The following CEP295 variants were observed in gnomAD, a reference collection of about 807,000 sequenced individuals.
CEP295 encodes centrosomal protein of 295 kDa.
Under a neutral mutation model 291.6 loss-of-function variants are expected in CEP295, and 190 were observed. That is an observed-to-expected ratio of 0.65 (90% CI 0.58 to 0.73). CEP295 has a LOEUF of 0.73. CEP295 is among the 30% of genes least tolerant of loss of function. The pLI, the probability that CEP295 is intolerant of heterozygous loss-of-function variation, is 0.00. For missense variants in CEP295, 2,863 were observed against 2,949.4 expected (o/e 0.97, Z 0.68); for synonymous variants, 993 against 1,038.8 (o/e 0.96, Z 0.85).
chr11:93,719,654 C>T (rs1953549730), intron 18 of CEP295: 1 of 152,086 alleles, frequency 6.6e-6, no homozygotes, highest in African/African-American at 2.4e-5. Flanking sequence ...CAGTCAGTTA[C>T]AGATCGGACT....
rs565227032 is a variant in CEP295, at chr11:93,699,112, A to G, written c.4200A>G (p.Val1400=). The change falls in exon 15 of 30, where the codon GTA becomes GTG. Residue 1400 remains valine, a synonymous_variant. Coordinates refer to ENST00000325212, the MANE Select transcript of CEP295 (RefSeq NM_033395.2). The stretch of plus-strand genomic sequence containing the variant: ...TTGACACCTCTTCCTTACCCCTAGT[A>G]CCACAGCATTCATTCGCCTCATTAC... ...EQVDTSSLPL[V]PQHSFASLPL... 5.4e-5 allele frequency: 83 copies of G among 1,549,438 alleles called. 1 individual carries two copies. In the South Asian group the frequency reaches 8.9e-4, roughly 17 times the overall value.
intron 15 of CEP295, among the ~76,000 whole-genome samples, chr11:93,700,882 C>T (rs1952114422): frequency 6.6e-6 from 1 of 152,062 alleles, no homozygotes; most frequent in Non-Finnish European, 1.5e-5. Flanking sequence ...AAAATCAATA[C>T]CATCTTTTTT....
At position 93,706,745 on chromosome 11, in the gene CEP295, G is replaced by A; in HGVS notation, c.5597G>A (p.Gly1866Asp). Residue 1866 changes from glycine (G) to aspartate (D), a missense_variant and splice_region_variant, in exon 18 of 30, where the codon GGT (glycine) becomes GAT (aspartate). Gly to Asp is a moderately conservative substitution (Grantham distance 94). Coordinates refer to ENST00000325212, the MANE Select transcript of CEP295 (RefSeq NM_033395.2). Reference sequence around the variant, plus strand: ...AGTGGAAATATTTTTTCCCCCCCAGGTAAACCAGGTATTTATGAAGACAGA... The same window carrying A: ...AGTGGAAATATTTTTTCCCCCCCAGATAAACCAGGTATTTATGAAGACAGA... The part of the protein sequence containing the change: ...SPAIGRTSIL[G>D]KPGIYEDRDP... 6.6e-7 allele frequency: 1 copy of A among 1,523,228 alleles called. No homozygotes were observed. The highest frequency in any genetic ancestry group is 8.8e-7 in the Non-Finnish European group (1 of 1,135,742). The allele number at this position is 1,523,228 out of a possible 1,614,324, so 94.4% of individuals were successfully genotyped here.
intron 5 of CEP295, among the ~76,000 whole-genome samples, chr11:93,674,460 A>G (rs531853192): frequency 6.6e-6 from 1 of 152,208 alleles, no homozygotes; most frequent in Non-Finnish European, 1.5e-5. Context: ...TAGCTATGGT[A>G]GGCCGAAGCG....
intron 25 of CEP295, 111 bp downstream of exon 25, chr11:93,728,932 C>G (rs980915402): frequency 4.0e-5 from 37 of 918,212 alleles, no homozygotes; most frequent in Non-Finnish European, 5.4e-5. Flanking sequence ...ATGCATTTAA[C>G]TAAGCCGACA....
intron 5 of CEP295, among the ~76,000 whole-genome samples, chr11:93,670,240 GA>G (rs1950372267): frequency 4.6e-5 from 7 of 152,048 alleles, no homozygotes; most frequent in Admixed American, 4.6e-4. Context: ...ATATTTTACA[GA>G]TAAGTTTCAG....
rs1411573797 is a variant in CEP295, at chr11:93,706,754, G to T, written c.5606G>T (p.Gly1869Val). ...ATTTTTTCCCCCCCAGGTAAACCAG[G>T]TATTTATGAAGACAGAGACCCCCTG... is the stretch of plus-strand genomic sequence containing the variant. The part of the protein sequence containing the change: ...IGRTSILGKP[G>V]IYEDRDPLRV... Residue 1869 changes from glycine (G) to valine (V), a missense_variant, in exon 18 of 30, where the codon GGT (glycine) becomes GTT (valine). Coordinates refer to ENST00000325212, the MANE Select transcript of CEP295 (RefSeq NM_033395.2). The T allele has an allele frequency of 9.8e-6, 15 of 1,533,196 alleles. No individual in the cohort carries two copies. Among genetic ancestry groups the T allele is most frequent in the African/African-American group, 1.4e-5 (1 of 72,150 alleles). 95.0% of individuals were successfully genotyped at this position (1,533,196 alleles called of 1,614,324 possible). A position where few individuals can be genotyped will look rare whatever the true frequency, so the allele number is the denominator to read the frequency against.
At chr11:93,723,594 C>G in intron 21 of CEP295, 1 of 218,694 alleles carries the variant, frequency 4.6e-6, no homozygotes, top group Non-Finnish European at 9.1e-6. Flanking sequence ...TCATACAGTT[C>G]TGGATTTGAG....
At chr11:93,705,047 A>G (rs1363371711) in intron 17 of CEP295, among the ~76,000 whole-genome samples, 1 of 152,076 alleles carries the variant, frequency 6.6e-6, no homozygotes, top group Non-Finnish European at 1.5e-5. Flanking sequence ...CATGTAGTAA[A>G]TTGTCTTATT....
intron 18 of CEP295, among the ~76,000 whole-genome samples, chr11:93,708,684 G>C (rs374136194): frequency 1.3e-5 from 2 of 152,112 alleles, no homozygotes; most frequent in African/African-American, 4.8e-5. Context: ...CAGGATTGCC[G>C]AATCATATGG....
At chr11:93,716,216 TG>T (rs1417731093) in intron 18 of CEP295, among the ~76,000 whole-genome samples, 1 of 152,160 alleles carries the variant, frequency 6.6e-6, no homozygotes, top group African/African-American at 2.4e-5. Context: ...CTGGTCTAAA[TG>T]CTCCCTCCAA....
Position 93,700,178 on chromosome 11 carries a change from G to T in CEP295, c.5266G>T (p.Asp1756Tyr). 1 of 1,546,570 alleles carries T rather than the reference G, an allele frequency of 6.5e-7. No individual in the cohort carries two copies. The highest frequency in any genetic ancestry group is 8.7e-7 in the Non-Finnish European group (1 of 1,145,400). The change falls in exon 15 of 30, where the codon GAC becomes TAC. Residue 1756 changes from aspartate (D) to tyrosine (Y), a missense_variant. Physicochemically the swap from Asp to Tyr is radical, Grantham distance 160 (BLOSUM62 -3). Transcript: ENST00000325212. ...HEETLKDFFK[D>Y]SQISKPTVEN... is the part of the protein sequence containing the mutation. ...AGAGACTTTGAAGGATTTCTTTAAA[G>T]ACAGTCAGGTATGTTTTAAACCTGA...
At position 93,725,725 on chromosome 11, in the gene CEP295, G is replaced by A; in HGVS notation, c.6393G>A (p.Arg2131=). ...GTACAGTTTATTTCACAGCACTGAGGAGGACCAGCATGCATTCTTCTCTTA... is the reference window on the plus strand; with the variant it reads ...GTACAGTTTATTTCACAGCACTGAGAAGGACCAGCATGCATTCTTCTCTTA... ...SKSTVYFTAL[R]RTSMHSSLNT... Residue 2131 remains arginine (R), a synonymous_variant, in exon 23 of 30, where the codon AGG becomes AGA. Transcript: ENST00000325212. 6.4e-7 allele frequency: 1 copy of A among 1,551,832 alleles called. No homozygotes were observed. Among genetic ancestry groups the A allele is most frequent in the South Asian group, 1.2e-5 (1 of 84,056 alleles).
chr11:93,689,286 G>A (rs7937523), intron 10 of CEP295, among the ~76,000 whole-genome samples: 137,800 of 152,128 alleles, frequency 0.91, 63,473 homozygotes, highest in Non-Finnish European at 0.99. Flanking sequence ...GTTTATAGTG[G>A]TTTCAAAGCC....
chr11:93,697,464 A>G lies in CEP295; in HGVS notation c.2552A>G (p.Gln851Arg), dbSNP rs372174125. ...CAGCAAGGTAATATGAAGGCCCTCCAAGAACAGTTAGACCTACAGAAGAAA... is the reference window on the plus strand; with the variant it reads ...CAGCAAGGTAATATGAAGGCCCTCCGAGAACAGTTAGACCTACAGAAGAAA... ...TAQQGNMKAL[Q>R]EQLDLQKKVL... Residue 851 changes from glutamine (Q) to arginine (R), a missense_variant, in exon 15 of 30, where the codon CAA becomes CGA. Coordinates refer to ENST00000325212, the MANE Select transcript of CEP295 (RefSeq NM_033395.2). The G allele has an allele frequency of 6.9e-5, 107 of 1,551,968 alleles. No homozygotes were observed. The highest frequency in any genetic ancestry group is 8.8e-5 in the Non-Finnish European group (101 of 1,147,080).
rs969275649 is a variant in CEP295 at position 93,729,991 on chromosome 11, T to C, written c.7667+22T>C. The C allele has an allele frequency of 2.0e-6, 3 of 1,512,760 alleles. No homozygotes were observed. The African/African-American group carries it at 4.3e-5, about 21-fold the overall frequency. 93.7% of individuals were successfully genotyped at this position (1,512,760 alleles called of 1,614,324 possible). On this transcript the variant is annotated intron_variant, in intron 28 of 29. Transcript: ENST00000325212. ...TAAGGTAGGGTTAATTTTTTTTTTT[T>C]TTTTAGTGATTCACTTTTTGCAGTG...
intron 18 of CEP295, among the ~76,000 whole-genome samples, chr11:93,712,521 T>C (rs1292810832): frequency 1.3e-5 from 2 of 152,198 alleles, no homozygotes; most frequent in African/African-American, 4.8e-5. Context: ...CCCAAACTGC[T>C]AGGATTACAG....
rs1938282636 is a variant in CEP295, at chr11:93,730,320, A to G, written c.*51A>G. On this transcript the variant is annotated 3_prime_UTR_variant, in exon 30 of 30. Coordinates refer to ENST00000325212, the MANE Select transcript of CEP295 (RefSeq NM_033395.2). The stretch of plus-strand genomic sequence containing the variant: ...TTTAATTGTGTATATGTAGCATTAG[A>G]CAAAATTATTTAAAGTCAATAAATT... 3 of 1,255,094 alleles carry G rather than the reference A, an allele frequency of 2.4e-6. No homozygotes were observed. The highest frequency in any genetic ancestry group is 1.5e-5 in the African/African-American group (1 of 66,494). The allele number at this position is 1,255,094 out of a possible 1,614,324, so 77.7% of individuals were successfully genotyped here.
chr11:93,664,388 G>A (rs989187543), intron 1 of CEP295, among the ~76,000 whole-genome samples: 2 of 152,154 alleles, frequency 1.3e-5, no homozygotes, highest in Admixed American at 6.5e-5. Flanking sequence ...TGTCACTCAG[G>A]GAAAGTCCTT....
Sources: allele counts gnomAD v4.1 joint callset (sites outside exome capture counted in the v4.1 genomes callset), GRCh38; gene constraint gnomAD v4.1.1; transcripts MANE v1.5; gene names NCBI Gene and HGNC (gene_info 2026-07-23, HGNC 2026-07-21).